The following PPP1R1C variants were observed in gnomAD, a reference collection of about 807,000 sequenced individuals.
PPP1R1C encodes the protein protein phosphatase 1 regulatory subunit 1C.
In PPP1R1C, 15 loss-of-function variants were observed where a neutral mutation model predicts 17.4. The observed-to-expected ratio is 0.86, with a 90% CI of 0.58 to 1.33. The LOEUF is 1.33. Ranked by LOEUF, PPP1R1C falls within the 40% of genes most tolerant of loss-of-function variation. The pLI, the probability that PPP1R1C is intolerant of heterozygous loss-of-function variation, is 0.00. For synonymous variants in PPP1R1C, 35 were observed against 43.1 expected, an observed-to-expected ratio of 0.81 and a Z score of 0.73; for missense variants, 143 against 130.0, an observed-to-expected ratio of 1.10 and a Z score of -0.48.
chr2:182,100,012 T>C (rs1689051414), intron 4 of PPP1R1C, among the ~76,000 whole-genome samples: 1 of 152,208 alleles, frequency 6.6e-6, no homozygotes, highest in Non-Finnish European at 1.5e-5. Context: ...AAACTTTCTC[T>C]ATTACCTCAG....
intron 4 of PPP1R1C, among the ~76,000 whole-genome samples, chr2:182,080,397 CT>C (rs1348457531): frequency 3.3e-5 from 5 of 152,220 alleles, no homozygotes; most frequent in Non-Finnish European, 7.3e-5. Context: ...ACGACTTCGT[CT>C]TCTTTGTTGC....
At chr2:182,101,903 C>T (rs1214925092) in intron 4 of PPP1R1C, among the ~76,000 whole-genome samples, 1 of 152,150 alleles carries the variant, frequency 6.6e-6, no homozygotes, top group African/African-American at 2.4e-5. Flanking sequence ...AAACAAGCTG[C>T]ACTCCTTCAA....
intron 2 of PPP1R1C, among the ~76,000 whole-genome samples, chr2:181,991,968 A>G (rs1299713136): frequency 6.6e-6 from 1 of 152,176 alleles, no homozygotes; most frequent in Non-Finnish European, 1.5e-5. Flanking sequence ...TCACATCTAT[A>G]GATATTTTAA....
At chr2:182,074,493 C>T (rs1688236266) in intron 4 of PPP1R1C, among the ~76,000 whole-genome samples, 1 of 151,986 alleles carries the variant, frequency 6.6e-6, no homozygotes, top group South Asian at 2.1e-4. Flanking sequence ...CTTTGATATG[C>T]CAAAATACTC....
chr2:181,986,163 G>A lies in PPP1R1C; in HGVS notation c.53G>A (p.Ser18Asn). Residue 18 changes from serine to asparagine, a missense_variant, in exon 1 of 5, where the codon AGT (serine) becomes AAT (asparagine). Ser to Asn is a conservative substitution (Grantham distance 46, BLOSUM62 1). Transcript: ENST00000682840. ...KIQFAVPVFQSQIAPEAAEQI... is the reference protein window; with the variant it reads ...KIQFAVPVFQNQIAPEAAEQI... ...CAGTTTGCCGTGCCTGTATTCCAGA[G>A]TCAGATTGCACCTGAAGCAGCAGAG... is the stretch of plus-strand genomic sequence containing the variant. 6.2e-7 allele frequency: 1 copy of A among 1,613,758 alleles called. No individual in the cohort carries two copies. The highest frequency in any genetic ancestry group is 8.5e-7 in the Non-Finnish European group (1 of 1,179,696).
At chr2:181,990,209 G>A (rs559805674) in intron 2 of PPP1R1C, among the ~76,000 whole-genome samples, 2 of 151,856 alleles carry the variant, frequency 1.3e-5, no homozygotes, top group African/African-American at 4.8e-5. Flanking sequence ...CGCGATCTCA[G>A]CTCACTGCAA....
At chr2:181,980,398 TG>T (rs1183745586) in intron 2 of PPP1R1C, among the ~76,000 whole-genome samples, 1 of 152,202 alleles carries the variant, frequency 6.6e-6, no homozygotes, top group East Asian at 1.9e-4. Context: ...ACGTTATTCC[TG>T]TGCCTTTGCT....
chr2:182,127,474 G>A (rs190205894), intron 5 of PPP1R1C, among the ~76,000 whole-genome samples: 1 of 152,210 alleles, frequency 6.6e-6, no homozygotes, highest in Non-Finnish European at 1.5e-5. Flanking sequence ...GACTGGAATA[G>A]TGAATCAAGA....
At chr2:182,073,744 G>C (rs1457423064) in intron 4 of PPP1R1C, among the ~76,000 whole-genome samples, 1 of 152,114 alleles carries the variant, frequency 6.6e-6, no homozygotes, top group Admixed American at 6.5e-5. Flanking sequence ...GAAATATCAG[G>C]GGTAGATTCC....
At chr2:182,120,625 C>T (rs191368676), downstream of PPP1R1C, among the ~76,000 whole-genome samples, 1 of 152,246 alleles carries the variant, frequency 6.6e-6, no homozygotes, top group Non-Finnish European at 1.5e-5. Context: ...TTTTGAATTA[C>T]TTGTGTTTGG....
intron 2 of PPP1R1C, among the ~76,000 whole-genome samples, chr2:182,051,203 G>C (rs1186064145): frequency 6.6e-6 from 1 of 152,206 alleles, no homozygotes; most frequent in African/African-American, 2.4e-5. Context: ...AATCTTATTA[G>C]TGTTTTTTGT....
chr2:182,027,184 T>C (rs1224798467), intron 2 of PPP1R1C, among the ~76,000 whole-genome samples: 26 of 125,774 alleles, frequency 2.1e-4, no homozygotes, highest in Non-Finnish European at 2.5e-4. Context: ...CCTCTTTTCC[T>C]AATTGAATAC....
intron 3 of PPP1R1C, 59 bp downstream of exon 3, chr2:182,061,538 T>C (rs900539954): frequency 6.9e-5 from 76 of 1,100,582 alleles, no homozygotes; most frequent in Non-Finnish European, 8.7e-5. Flanking sequence ...ATGCAAAAAT[T>C]TGCTTGATTT....
At chr2:182,040,218 GAATACTCC>G (rs1559068142) in intron 2 of PPP1R1C, among the ~76,000 whole-genome samples, 1 of 152,254 alleles carries the variant, frequency 6.6e-6, no homozygotes, top group East Asian at 1.9e-4. Flanking sequence ...AGTCCTTTGA[GAATACTCC>G]ATACTGTTTT....
At chr2:182,054,484 ATCTCT>A (rs1485195698) in intron 2 of PPP1R1C, among the ~76,000 whole-genome samples, 1 of 151,888 alleles carries the variant, frequency 6.6e-6, no homozygotes, top group African/African-American at 2.4e-5. Flanking sequence ...GCAACTACTA[ATCTCT>A]TCTCCATCTT....
chr2:182,008,169 A>AT (rs1427940290), intron 2 of PPP1R1C, among the ~76,000 whole-genome samples: 2 of 152,206 alleles, frequency 1.3e-5, no homozygotes, highest in East Asian at 3.8e-4. Flanking sequence ...GTATGAGTGA[A>AT]TTGTATTATG....
chr2:182,112,339 A>G (rs1331011613), intron 4 of PPP1R1C, among the ~76,000 whole-genome samples: 1 of 152,124 alleles, frequency 6.6e-6, no homozygotes, highest in Non-Finnish European at 1.5e-5. Flanking sequence ...TTCCTGGGCA[A>G]GGTTAAATTC....
chr2:182,042,708 G>A (rs190737217), intron 2 of PPP1R1C, among the ~76,000 whole-genome samples: 1 of 152,182 alleles, frequency 6.6e-6, no homozygotes, highest in African/African-American at 2.4e-5. Context: ...TAGCAGAATT[G>A]TAATGCCTTA....
upstream of PPP1R1C, among the ~76,000 whole-genome samples, chr2:181,981,794 A>C (rs1475521145): frequency 6.6e-6 from 1 of 152,234 alleles, no homozygotes; most frequent in Non-Finnish European, 1.5e-5. Context: ...AAGGGAGTGC[A>C]TCTGAAATGT....
Sources: gnomAD v4.1 joint callset for allele counts (sites outside exome capture counted in the v4.1 genomes callset) on GRCh38, gnomAD v4.1.1 for gene constraint, MANE v1.5 for transcripts, NCBI Gene and HGNC (gene_info 2026-07-23, HGNC 2026-07-21) for gene names.